The following SLC27A2 variants were observed in gnomAD, a reference collection of about 807,000 sequenced individuals.
SLC27A2 encodes solute carrier family 27 member 2.
A neutral mutation model predicts 60.0 loss-of-function variants in SLC27A2; 54 were observed. The observed-to-expected ratio is 0.90, with a 90% CI of 0.72 to 1.13. The LOEUF is 1.13. Among genes scored for constraint, SLC27A2 ranks in the 50% most tolerant of loss-of-function variants. The pLI, the probability that SLC27A2 is intolerant of heterozygous loss-of-function variation, is 0.00. For missense variants in SLC27A2, 739 were observed against 777.6 expected, an observed-to-expected ratio of 0.95 and a Z score of 0.59; for synonymous variants, 297 against 297.6, an observed-to-expected ratio of 1.00 and a Z score of 0.02.
Position 50,206,265 on chromosome 15 carries a change from C to A in SLC27A2, c.972+902C>A, listed in dbSNP as rs528273497. Among the ~76,000 whole-genome samples, 7 of 152,226 alleles carry A rather than the reference C, an allele frequency of 4.6e-5. No homozygotes were observed. The South Asian group carries it at 1.5e-3, about 32-fold the overall frequency. On this transcript the variant is annotated intron_variant, in intron 4 of 9. Transcript: ENST00000267842. The stretch of plus-strand genomic sequence containing the variant: ...TCATCAAAATGTCTCCAGAAACTGC[C>A]AAATGTCTCTTGGCAGGGAAATGCT...
At chr15:50,183,897 C>A (rs1292366779) in intron 1 of SLC27A2, among the ~76,000 whole-genome samples, 4 of 151,934 alleles carry the variant, frequency 2.6e-5, no homozygotes, top group Non-Finnish European at 5.9e-5. Flanking sequence ...ATATCACTAT[C>A]CCCACCACCA....
intron 1 of SLC27A2, among the ~76,000 whole-genome samples, chr15:50,194,425 G>A (rs868254042): frequency 1.3e-5 from 2 of 152,126 alleles, no homozygotes; most frequent in African/African-American, 4.8e-5. Flanking sequence ...TGTGGTTAGA[G>A]GAAAGAGGGC....
intron 4 of SLC27A2, among the ~76,000 whole-genome samples, chr15:50,205,670 A>G (rs2045106829): frequency 6.6e-6 from 1 of 152,104 alleles, no homozygotes; most frequent in African/African-American, 2.4e-5. Context: ...CCCAGTTCAA[A>G]TGATACCTCA....
At chr15:50,220,884 G>C (rs1485283751) in intron 4 of SLC27A2, among the ~76,000 whole-genome samples, 1 of 152,190 alleles carries the variant, frequency 6.6e-6, no homozygotes, top group African/African-American at 2.4e-5. Flanking sequence ...AAGCGGGGTA[G>C]AGTCAGTGAC....
At chr15:50,235,320 C>T (rs2045343896) in intron 9 of SLC27A2, among the ~76,000 whole-genome samples, 2 of 152,108 alleles carry the variant, frequency 1.3e-5, no homozygotes, top group African/African-American at 2.4e-5. Flanking sequence ...AATAGACAAG[C>T]AGACTGAGAA....
intron 3 of SLC27A2, among the ~76,000 whole-genome samples, chr15:50,204,486 C>T (rs1049249025): frequency 1.3e-4 from 19 of 151,980 alleles, no homozygotes; most frequent in African/African-American, 4.6e-4. Flanking sequence ...GTAATCTCAG[C>T]ACTTTGGGAG....
At chr15:50,204,603 C>G (rs143295973) in intron 3 of SLC27A2, among the ~76,000 whole-genome samples, 2,759 of 151,390 alleles carry the variant, frequency 0.018, 32 homozygotes, top group Non-Finnish European at 0.028. Context: ...TGTGGTGGCA[C>G]GCGCCTGTAA....
chr15:50,206,072 T>C (rs1468680764), intron 4 of SLC27A2, among the ~76,000 whole-genome samples: 3 of 152,134 alleles, frequency 2.0e-5, no homozygotes, highest in Admixed American at 1.3e-4. Context: ...TCAACTCTCA[T>C]CAGAGATCTG....
chr15:50,231,382 G>A (rs1255790792), intron 8 of SLC27A2, among the ~76,000 whole-genome samples: 3 of 151,572 alleles, frequency 2.0e-5, no homozygotes, highest in African/African-American at 2.4e-5. Flanking sequence ...CCTAACCTCC[G>A]GTGATCCACA....
In SLC27A2 at chr15:50,196,053, C is replaced by CAAAAAAAAAAAAAATAAAAA. The variant is rs1567428267; in HGVS notation, c.479-1433_479-1432insTAAAAAAAAAAAAAAAAAAA. On this transcript the variant is annotated intron_variant, in intron 1 of 9. Transcript: ENST00000267842. ...TGGGCGACAGAGCCAGACTCTGTCT[C>CAAAAAAAAAAAAAATAAAAA]AAAAAAAAAAAAAAAAAAAAAAAAA... 4.4e-3 allele frequency among the ~76,000 whole-genome samples: 8 copies of CAAAAAAAAAAAAAATAAAAA among 1,822 alleles called. 1 individual carries two copies. Among genetic ancestry groups the CAAAAAAAAAAAAAATAAAAA allele is most frequent in the Non-Finnish European group, 0.012 (8 of 682 alleles). The allele number at this position is 1,822 out of a possible 152,430, so 1.2% of individuals were successfully genotyped here.
At chr15:50,213,047 C>G (rs957564563) in intron 4 of SLC27A2, among the ~76,000 whole-genome samples, 4 of 152,174 alleles carry the variant, frequency 2.6e-5, no homozygotes, top group African/African-American at 9.6e-5. Context: ...CCAACTGCTG[C>G]CTTCAGGAGA....
At chr15:50,196,063 A>AAAAATAAAAAT (rs1344790169) in intron 1 of SLC27A2, among the ~76,000 whole-genome samples, 1 of 19,756 alleles carries the variant, frequency 5.1e-5, no homozygotes. Context: ...CAAAAAAAAA[A>AAAAATAAAAAT]AAAAAAAAAA....
intron 4 of SLC27A2, among the ~76,000 whole-genome samples, chr15:50,219,948 G>C (rs929033786): frequency 6.6e-6 from 1 of 152,128 alleles, no homozygotes; most frequent in African/African-American, 2.4e-5. Context: ...GAGTAGCTTT[G>C]GTGATGGAGA....
intron 1 of SLC27A2, among the ~76,000 whole-genome samples, chr15:50,195,958 G>A (rs146442775): frequency 0.076 from 11,125 of 146,634 alleles, 463 homozygotes; most frequent in South Asian, 0.12. Context: ...GGAGGCTGAG[G>A]CAGGAGAATG....
intron 8 of SLC27A2, among the ~76,000 whole-genome samples, chr15:50,230,865 G>A (rs1265440165): frequency 1.3e-5 from 2 of 152,190 alleles, no homozygotes; most frequent in Admixed American, 6.5e-5. Context: ...AGATGAAACA[G>A]AAGGATCTAG....
intron 8 of SLC27A2, among the ~76,000 whole-genome samples, chr15:50,232,911 A>T (rs1282728598): frequency 1.3e-5 from 2 of 152,206 alleles, no homozygotes; most frequent in African/African-American, 4.8e-5. Flanking sequence ...GCTGGGGCCC[A>T]GGTAACCAAG....
At chr15:50,234,908 C>T (rs769343261) in intron 9 of SLC27A2, among the ~76,000 whole-genome samples, 3 of 152,194 alleles carry the variant, frequency 2.0e-5, no homozygotes, top group Non-Finnish European at 4.4e-5. Flanking sequence ...AATAGAAATG[C>T]TCTGACCCTG....
rs1256923193 is a variant in SLC27A2 at position 50,233,872 on chromosome 15, T to G, written c.1560T>G (p.His520Gln). ...TTTTTCTCACTTTATTTCTAGATCA[T>G]GAGGGTCGCATTGGCATGGCCTCCA... ...VNVYGVHVPDHEGRIGMASIK... is the reference protein window; with the variant it reads ...VNVYGVHVPDQEGRIGMASIK... The change falls in exon 9 of 10, where the codon CAT becomes CAG. Residue 520 changes from histidine to glutamine, a missense_variant. Coordinates refer to ENST00000267842, the MANE Select transcript of SLC27A2 (RefSeq NM_003645.4). 1 of 1,611,536 alleles carries G rather than the reference T, an allele frequency of 6.2e-7. No homozygotes were observed. The highest frequency in any genetic ancestry group is 2.2e-5 in the East Asian group (1 of 44,852).
At chr15:50,212,045 TGGGAG>T (rs2140906693) in intron 4 of SLC27A2, among the ~76,000 whole-genome samples, 1 of 124,332 alleles carries the variant, frequency 8.0e-6, no homozygotes, top group South Asian at 2.5e-4. Context: ...CACTCCAGCC[TGGGAG>T]ACAGAGTGAG....
Sources: allele counts gnomAD v4.1 joint callset (sites outside exome capture counted in the v4.1 genomes callset), GRCh38; gene constraint gnomAD v4.1.1; transcripts MANE v1.5; gene names NCBI Gene and HGNC (gene_info 2026-07-23, HGNC 2026-07-21).